The following GPC3 variants were observed in gnomAD, a reference collection of about 807,000 sequenced individuals.
GPC3 encodes the protein glypican-3.
In GPC3, 3 loss-of-function variants were observed where a neutral mutation model predicts 34.4. The observed-to-expected ratio is 0.09, with a 90% CI of 0.04 to 0.23. GPC3 has a LOEUF of 0.23. Ranked by LOEUF, GPC3 falls within the 10% of genes least tolerant of loss-of-function variation. The pLI, the probability that GPC3 is intolerant of heterozygous loss-of-function variation, is 1.00. For missense variants in GPC3, 351 were observed against 445.6 expected (o/e 0.79, Z 1.91); for synonymous variants, 177 against 174.0 (o/e 1.02, Z -0.13).
intron 6 of GPC3, among the ~76,000 whole-genome samples, chrX:133,644,512 C>G (rs1479278946): frequency 9.0e-6 from 1 of 110,804 alleles, no homozygotes; most frequent in Non-Finnish European, 1.9e-5. Context: ...CATGTATGAG[C>G]CTATAGATTT....
At chrX:133,874,363 G>A (rs188290604) in intron 2 of GPC3, among the ~76,000 whole-genome samples, 286 of 111,427 alleles carry the variant, frequency 2.6e-3, no homozygotes, top group African/African-American at 8.3e-3. Flanking sequence ...TTTATTTCAT[G>A]TAATCTTTAA....
chrX:133,627,187 A>T (rs1437315898), intron 6 of GPC3, among the ~76,000 whole-genome samples: 1 of 62,341 alleles, frequency 1.6e-5, no homozygotes, highest in South Asian at 1.3e-3. Context: ...GGGGGGAGGG[A>T]TAGCATTAGG....
chrX:133,671,901 C>T (rs1269954569), intron 5 of GPC3, among the ~76,000 whole-genome samples: 3 of 111,355 alleles, frequency 2.7e-5, no homozygotes, highest in Admixed American at 9.6e-5. Flanking sequence ...TGAGAACATG[C>T]GGTGTTTGGT....
intron 2 of GPC3, among the ~76,000 whole-genome samples, chrX:133,920,012 A>T (rs2076241241): frequency 9.2e-6 from 1 of 108,797 alleles, no homozygotes; most frequent in Non-Finnish European, 1.9e-5. Flanking sequence ...ATTAAAAAAA[A>T]AAATTAGCCA....
intron 2 of GPC3, among the ~76,000 whole-genome samples, chrX:133,873,872 C>T (rs769226362): frequency 9.0e-6 from 1 of 111,604 alleles, no homozygotes; most frequent in South Asian, 3.8e-4. Flanking sequence ...GTTGAAAATA[C>T]ACAGTTTCAC....
At chrX:133,728,366 G>GAGA (rs397740919) in intron 3 of GPC3, among the ~76,000 whole-genome samples, 1 of 110,898 alleles carries the variant, frequency 9.0e-6, no homozygotes, top group African/African-American at 3.3e-5. Flanking sequence ...AAAGGAGGAG[G>GAGA]GAAGGAAAGA....
intron 2 of GPC3, among the ~76,000 whole-genome samples, chrX:133,906,286 C>T (rs905903577): frequency 1.8e-5 from 2 of 111,559 alleles, no homozygotes; most frequent in African/African-American, 6.5e-5. Flanking sequence ...AATATGCAGC[C>T]CAAAATTGAC....
intron 2 of GPC3, among the ~76,000 whole-genome samples, chrX:133,758,782 T>A (rs1241960686): frequency 9.0e-6 from 1 of 110,597 alleles, no homozygotes; most frequent in Non-Finnish European, 1.9e-5. Flanking sequence ...ATAAGAAAAA[T>A]CATATGATCA....
At chrX:133,597,596 C>T (rs191961772) in intron 6 of GPC3, among the ~76,000 whole-genome samples, 144 of 111,441 alleles carry the variant, frequency 1.3e-3, no homozygotes, top group Middle Eastern at 4.6e-3. Context: ...GGGGTTTCTG[C>T]GGTTTCCATC....
Position 133,596,677 on chromosome X carries a change from G to T in GPC3, c.1414-78C>A, listed in dbSNP as rs2069920784. On this transcript the variant is annotated intron_variant, in intron 6 of 7. Coordinates refer to ENST00000370818, the MANE Select transcript of GPC3 (RefSeq NM_004484.4). ...CTGCACAGTGTGTTATTAACAGGAG[G>T]CATTAAAAATGTTCAATGAATTACA... 5 of 996,314 alleles carry T rather than the reference G, an allele frequency of 5.0e-6. No individual in the cohort carries two copies. The African/African-American group carries it at 5.7e-5, about 11-fold the overall frequency. 82.1% of individuals were successfully genotyped at this position (996,314 alleles called of 1,213,427 possible). A position where few individuals can be genotyped will look rare whatever the true frequency, so the allele number is the denominator to read the frequency against.
intron 5 of GPC3, among the ~76,000 whole-genome samples, chrX:133,688,029 T>C (rs1033078458): frequency 9.8e-5 from 11 of 112,409 alleles, no homozygotes; most frequent in African/African-American, 3.6e-4. Flanking sequence ...ATGTTCACTG[T>C]TCATTTGGGT....
At chrX:133,920,737 C>T (rs2076244765) in intron 2 of GPC3, among the ~76,000 whole-genome samples, 1 of 112,131 alleles carries the variant, frequency 8.9e-6, no homozygotes, top group Non-Finnish European at 1.9e-5. Context: ...GAGCTAATCA[C>T]TGTTGATGGT....
chrX:133,583,559 G>A (rs1569388624), intron 7 of GPC3, among the ~76,000 whole-genome samples: 1 of 110,735 alleles, frequency 9.0e-6, no homozygotes, highest in African/African-American at 3.3e-5. Context: ...GAGACGGGAT[G>A]TTGCCATGTT....
At chrX:133,672,962 G>A (rs2070846197) in intron 5 of GPC3, among the ~76,000 whole-genome samples, 1 of 99,289 alleles carries the variant, frequency 1.0e-5, no homozygotes, top group East Asian at 3.2e-4. Flanking sequence ...TTGTTTTTAA[G>A]ATGGAGTCTT....
chrX:133,677,910 T>G (rs945428593), intron 5 of GPC3, among the ~76,000 whole-genome samples: 3 of 111,189 alleles, frequency 2.7e-5, no homozygotes, highest in African/African-American at 9.8e-5. Flanking sequence ...CACAGAACAC[T>G]CATTCCAGGT....
intron 3 of GPC3, among the ~76,000 whole-genome samples, chrX:133,740,407 C>A (rs1409119817): frequency 8.9e-6 from 1 of 112,062 alleles, no homozygotes; most frequent in Non-Finnish European, 1.9e-5. Context: ...TCTGATTATA[C>A]CAATTTGTCA....
At chrX:133,971,119 A>G (rs1156689321) in intron 1 of GPC3, among the ~76,000 whole-genome samples, 2 of 112,258 alleles carry the variant, frequency 1.8e-5, no homozygotes, top group East Asian at 5.6e-4. Flanking sequence ...AGAAAAAAGG[A>G]AAGCATTCAA....
At chrX:133,712,899 A>G (rs28876748) in intron 3 of GPC3, among the ~76,000 whole-genome samples, 1 of 111,608 alleles carries the variant, frequency 9.0e-6, no homozygotes, top group South Asian at 3.8e-4. Context: ...AAAATAAAAA[A>G]TAAAAAATAA....
intron 2 of GPC3, among the ~76,000 whole-genome samples, chrX:133,875,778 T>C (rs1023155910): frequency 3.6e-5 from 4 of 111,151 alleles, no homozygotes; most frequent in African/African-American, 6.6e-5. Flanking sequence ...AGATGCTCAA[T>C]AAATACCTGT....
Sources: allele counts gnomAD v4.1 joint callset (sites outside exome capture counted in the v4.1 genomes callset), GRCh38; gene constraint gnomAD v4.1.1; transcripts MANE v1.5; gene names NCBI Gene and HGNC (gene_info 2026-07-23, HGNC 2026-07-21).